Variants in COG5 observed in about 807,000 individuals in gnomAD.
COG5 encodes the protein conserved oligomeric Golgi complex subunit 5.
COG5 carries 86 observed loss-of-function variants against 110.4 expected under a neutral mutation model. The ratio of observed to expected loss-of-function variants is 0.78; its 90% CI spans 0.65 to 0.93. The LOEUF (loss-of-function observed/expected upper bound fraction) is 0.93. COG5 is among the 40% of genes least tolerant of loss of function. The pLI, the probability that COG5 is intolerant of heterozygous loss-of-function variation, is 0.00. For missense variants in COG5, 1,077 were observed against 987.0 expected, an observed-to-expected ratio of 1.09 and a Z score of -1.22; for synonymous variants, 360 against 334.6, an observed-to-expected ratio of 1.08 and a Z score of -0.83.
intron 6 of COG5, among the ~76,000 whole-genome samples, chr7:107,463,760 C>T (rs78423556): frequency 6.6e-6 from 1 of 152,178 alleles, no homozygotes; most frequent in East Asian, 1.9e-4. Flanking sequence ...GACAAGGTAG[C>T]GGGGAAAATC....
At chr7:107,475,811 A>C (rs1796941251) in intron 6 of COG5, among the ~76,000 whole-genome samples, 1 of 151,746 alleles carries the variant, frequency 6.6e-6, no homozygotes, top group Non-Finnish European at 1.5e-5. Flanking sequence ...GCTCAAAACA[A>C]TCCAGTATTT....
intron 6 of COG5, among the ~76,000 whole-genome samples, chr7:107,506,760 T>TGGCTCACACAGCTGGGGCACCCAGC (rs1799043356): frequency 6.6e-6 from 1 of 152,158 alleles, no homozygotes. Context: ...CCCCTCCCAG[T>TGGCTCACACAGCTGGGGCACCCAGC]TGGCTCACAC....
At chr7:107,243,511 C>CAAA (rs759045963) in intron 17 of COG5, among the ~76,000 whole-genome samples, 5,939 of 78,322 alleles carry the variant, frequency 0.076, 313 homozygotes, top group African/African-American at 0.18. Context: ...GACTCCATCT[C>CAAA]AAAAAAAAAA....
chr7:107,303,573 C>T (rs1807460563), intron 11 of COG5, among the ~76,000 whole-genome samples: 1 of 151,856 alleles, frequency 6.6e-6, no homozygotes. Flanking sequence ...CATAGATATG[C>T]ACCACTACAC....
intron 6 of COG5, among the ~76,000 whole-genome samples, chr7:107,486,378 C>T (rs1797658575): frequency 6.6e-6 from 1 of 151,780 alleles, no homozygotes; most frequent in South Asian, 2.1e-4. Flanking sequence ...AAATCTTCAA[C>T]CAGATACATC....
chr7:107,479,676 T>C lies in COG5; in HGVS notation c.538+47561A>G, dbSNP rs142478435. On this transcript the variant is annotated intron_variant, in intron 6 of 21. Coordinates refer to ENST00000297135, the MANE Select transcript of COG5 (RefSeq NM_006348.5). Reference sequence around the variant, plus strand: ...ACTATTTAATTATGCTTTGCATAAATTACATTGATAACACAGGCAAAAACA... The same window carrying C: ...ACTATTTAATTATGCTTTGCATAAACTACATTGATAACACAGGCAAAAACA... 3.2e-3 allele frequency among the ~76,000 whole-genome samples: 492 copies of C among 152,250 alleles called. 2 individuals carry two copies. The highest frequency in any genetic ancestry group is 0.017 in the Middle Eastern group (5 of 294).
intron 14 of COG5, among the ~76,000 whole-genome samples, chr7:107,266,078 A>T (rs1803776469): frequency 6.6e-6 from 1 of 151,896 alleles, no homozygotes; most frequent in Non-Finnish European, 1.5e-5. Flanking sequence ...TAATAATAAT[A>T]CACACACACG....
chr7:107,363,123 G>GT (rs1813268273), intron 8 of COG5, among the ~76,000 whole-genome samples: 1 of 152,126 alleles, frequency 6.6e-6, no homozygotes, highest in African/African-American at 2.4e-5. Context: ...ACACAAATAC[G>GT]TAACAGGAAT....
rs560085981 is a variant in COG5 at position 107,299,592 on chromosome 7, C to A, written c.1109-1246G>T. Among the ~76,000 whole-genome samples, 36 of 151,634 alleles carry A rather than the reference C, an allele frequency of 2.4e-4. 1 individual carries two copies. The South Asian group carries it at 7.5e-3, about 32-fold the overall frequency. On this transcript the variant is annotated intron_variant, in intron 11 of 21. Coordinates refer to ENST00000297135, the MANE Select transcript of COG5 (RefSeq NM_006348.5). ...GACTTTAGTGGTGAATTTTATCAAGCAATTTAAGAAAGAAATAAAAGCAAT... is the reference window on the plus strand; with the variant it reads ...GACTTTAGTGGTGAATTTTATCAAGAAATTTAAGAAAGAAATAAAAGCAAT...
intron 6 of COG5, among the ~76,000 whole-genome samples, chr7:107,518,243 G>C (rs1285923765): frequency 6.6e-6 from 1 of 152,140 alleles, no homozygotes; most frequent in Non-Finnish European, 1.5e-5. Context: ...TGAAGAAACT[G>C]CATCAACTAG....
intron 6 of COG5, among the ~76,000 whole-genome samples, chr7:107,522,682 T>C (rs900424922): frequency 1.3e-5 from 2 of 152,224 alleles, no homozygotes; most frequent in Non-Finnish European, 1.5e-5. Flanking sequence ...TCTGTAGTTT[T>C]AGATTTTACA....
chr7:107,250,749 C>G (rs182602282), intron 16 of COG5, among the ~76,000 whole-genome samples: 66 of 151,922 alleles, frequency 4.3e-4, no homozygotes, highest in African/African-American at 1.6e-3. Context: ...GTAAAATTGA[C>G]GGGATAGGCT....
chr7:107,516,390 A>G (rs1370976190), intron 6 of COG5, among the ~76,000 whole-genome samples: 2 of 152,176 alleles, frequency 1.3e-5, no homozygotes, highest in African/African-American at 2.4e-5. Flanking sequence ...TACTTTGCAA[A>G]TATTTTCTCC....
chr7:107,376,315 A>G (rs976116066), intron 7 of COG5, among the ~76,000 whole-genome samples: 9 of 152,000 alleles, frequency 5.9e-5, no homozygotes, highest in Admixed American at 5.9e-4. Context: ...TCCTTTTTTT[A>G]AAAAAGTTTT....
rs1290174318 is a variant in COG5, at chr7:107,531,022, C to T, written c.418-3665G>A. On this transcript the variant is annotated intron_variant, in intron 5 of 21. Coordinates refer to ENST00000297135, the MANE Select transcript of COG5 (RefSeq NM_006348.5). ...ATGCCAACCAAGAGAAACCACTACTCTTTTACATTAATCACTTCCTTACTT... is the reference window on the plus strand; with the variant it reads ...ATGCCAACCAAGAGAAACCACTACTTTTTTACATTAATCACTTCCTTACTT... 3.3e-5 allele frequency among the ~76,000 whole-genome samples: 5 copies of T among 150,662 alleles called. No homozygotes were observed. In the East Asian group the frequency reaches 9.8e-4, roughly 29 times the overall value.
At position 107,365,596 on chromosome 7, in the gene COG5, C is replaced by CAAAA. The variant is rs71134263; in HGVS notation, c.836-3180_836-3177dup. On this transcript the variant is annotated intron_variant, in intron 8 of 21. Coordinates refer to ENST00000297135, the MANE Select transcript of COG5 (RefSeq NM_006348.5). ...GGGAATGTTCAACATTGCAAAATGA[C>CAAAA]AAAAAAAAAAAAAAAAAAAAAAAAA... is the stretch of plus-strand genomic sequence containing the variant. Among the ~76,000 whole-genome samples, 48 of 36,700 alleles carry CAAAA rather than the reference C, an allele frequency of 1.3e-3. 4 individuals carry two copies. Among genetic ancestry groups the CAAAA allele is most frequent in the African/African-American group, 3.4e-3 (36 of 10,556 alleles). The allele number at this position is 36,700 out of a possible 152,430, so 24.1% of individuals were successfully genotyped here.
intron 1 of COG5, among the ~76,000 whole-genome samples, chr7:107,562,317 C>T (rs777947845): frequency 6.6e-6 from 1 of 152,216 alleles, no homozygotes; most frequent in Non-Finnish European, 1.5e-5. Flanking sequence ...GAAATACATC[C>T]TACTGAAACA....
At chr7:107,403,827 G>A (rs1320393056) in intron 7 of COG5, among the ~76,000 whole-genome samples, 1 of 152,100 alleles carries the variant, frequency 6.6e-6, no homozygotes, top group Admixed American at 6.6e-5. Flanking sequence ...AGAATTTAAG[G>A]AGGATGCATT....
At chr7:107,352,296 GT>G (rs1812222764) in intron 10 of COG5, among the ~76,000 whole-genome samples, 2 of 106,060 alleles carry the variant, frequency 1.9e-5, no homozygotes, top group Non-Finnish European at 3.6e-5. Context: ...ACATCACACT[GT>G]TGTGGGGTGG....
Sources: gnomAD v4.1 joint callset for allele counts (sites outside exome capture counted in the v4.1 genomes callset) on GRCh38, gnomAD v4.1.1 for gene constraint, MANE v1.5 for transcripts, NCBI Gene and HGNC (gene_info 2026-07-23, HGNC 2026-07-21) for gene names.